ASCC1: variants seen among roughly 807,000 people sequenced by gnomAD.
The protein encoded by ASCC1 is activating signal cointegrator 1 complex subunit 1.
A neutral mutation model predicts 46.6 loss-of-function variants in ASCC1; 35 were observed. The ratio of observed to expected loss-of-function variants is 0.75; its 90% CI spans 0.57 to 0.99. The LOEUF is 0.99. Among genes scored for constraint, ASCC1 ranks in the 50% least tolerant of loss-of-function variants. ASCC1 has a pLI of 0.00. For synonymous variants in ASCC1, 143 were observed against 146.6 expected (o/e 0.98, Z 0.18); for missense variants, 376 against 428.7 (o/e 0.88, Z 1.09).
At chr10:72,210,401 C>T (rs993341711) in intron 3 of ASCC1, among the ~76,000 whole-genome samples, 3 of 152,064 alleles carry the variant, frequency 2.0e-5, no homozygotes, top group African/African-American at 7.2e-5. Flanking sequence ...TTCAGGTGAT[C>T]CACCCGCCTC....
At chr10:72,115,900 A>G (rs762175672) in intron 9 of ASCC1, among the ~76,000 whole-genome samples, 8 of 152,228 alleles carry the variant, frequency 5.3e-5, no homozygotes, top group Non-Finnish European at 8.8e-5. Context: ...CTAATATGAA[A>G]CACTCTAATA....
chr10:72,109,476 T>C (rs537319054), intron 9 of ASCC1, among the ~76,000 whole-genome samples: 1 of 152,288 alleles, frequency 6.6e-6, no homozygotes, highest in South Asian at 2.1e-4. Flanking sequence ...GCAAGAGGAA[T>C]GCTCAAATGA....
At chr10:72,126,636 T>C (rs990958550) in intron 9 of ASCC1, among the ~76,000 whole-genome samples, 1 of 152,228 alleles carries the variant, frequency 6.6e-6, no homozygotes, top group African/African-American at 2.4e-5. Context: ...CTTTGAGCCA[T>C]TCCTAAAGAT....
chr10:72,102,304 T>C (rs756798269), intron 9 of ASCC1: 3 of 1,538,012 alleles, frequency 2.0e-6, no homozygotes, highest in South Asian at 2.4e-5. Context: ...CAAGTTCAGG[T>C]GTGTTTACAC....
intron 6 of ASCC1, among the ~76,000 whole-genome samples, chr10:72,160,044 A>G (rs2132665124): frequency 6.6e-6 from 1 of 151,864 alleles, no homozygotes; most frequent in South Asian, 2.1e-4. Flanking sequence ...AGCTGGGACT[A>G]CAGGTGCCTG....
intron 6 of ASCC1, among the ~76,000 whole-genome samples, chr10:72,160,903 G>GA (rs1251396986): frequency 6.6e-6 from 1 of 151,480 alleles, no homozygotes; most frequent in Non-Finnish European, 1.5e-5. Flanking sequence ...CTAAAATGGT[G>GA]AAACCCCGTC....
intron 9 of ASCC1, 74 bp downstream of exon 9, chr10:72,128,008 G>A (rs1438392737): frequency 2.6e-6 from 3 of 1,135,828 alleles, no homozygotes; most frequent in Non-Finnish European, 2.7e-6. Flanking sequence ...GAAATATACG[G>A]AGAACTACTT....
chr10:72,124,926 G>A (rs940700410), intron 9 of ASCC1, among the ~76,000 whole-genome samples: 14 of 151,888 alleles, frequency 9.2e-5, no homozygotes, highest in Non-Finnish European at 1.5e-4. Flanking sequence ...AATGATTCTA[G>A]TTGTCAGTTC....
intron 9 of ASCC1, among the ~76,000 whole-genome samples, chr10:72,113,267 C>T (rs1453835929): frequency 6.6e-6 from 1 of 152,170 alleles, no homozygotes; most frequent in Non-Finnish European, 1.5e-5. Context: ...TGGCTGGGCC[C>T]TTTCAAAAAC....
At chr10:72,133,215 T>A in intron 7 of ASCC1, 34 bp from the exon 8 acceptor site, 2 of 1,611,744 alleles carry the variant, frequency 1.2e-6, no homozygotes, top group Non-Finnish European at 1.7e-6. Flanking sequence ...TGCAGAAATC[T>A]TAGTAAACTT....
At position 72,190,290 on chromosome 10, in the gene ASCC1, A is replaced by G. The variant is rs1229176041; in HGVS notation, c.489+6521T>C. The G allele has an allele frequency of 3.6e-6, 3 of 822,086 alleles. No individual in the cohort carries two copies. In the East Asian group the frequency reaches 7.2e-5, roughly 20 times the overall value. 50.9% of individuals were successfully genotyped at this position (822,086 alleles called of 1,614,324 possible). A position where few individuals can be genotyped will look rare whatever the true frequency, so the allele number is the denominator to read the frequency against. On this transcript the variant is annotated intron_variant, in intron 5 of 9. Coordinates refer to ENST00000672957, the MANE Select transcript of ASCC1 (RefSeq NM_001198800.3). Reference sequence around the variant, plus strand: ...CACTGTGGAGTTCTGAGAGTCCTGAATTTATATTTAGATCTATGACTTAAA... The same window carrying G: ...CACTGTGGAGTTCTGAGAGTCCTGAGTTTATATTTAGATCTATGACTTAAA...
intron 9 of ASCC1, among the ~76,000 whole-genome samples, chr10:72,123,958 CAG>C (rs1294139898): frequency 2.0e-5 from 3 of 152,122 alleles, no homozygotes; most frequent in African/African-American, 7.2e-5. Flanking sequence ...AAAGAATAAA[CAG>C]TATTTTTAAA....
chr10:72,161,816 G>T, intron 5 of ASCC1, 142 bp from the exon 6 acceptor site: 2 of 870,394 alleles, frequency 2.3e-6, no homozygotes, highest in South Asian at 2.9e-5. Flanking sequence ...AATAGAGAAA[G>T]TCTCCTCAAT....
chr10:72,210,660 G>C, intron 3 of ASCC1, 72 bp downstream of exon 3: 1 of 1,237,916 alleles, frequency 8.1e-7, no homozygotes, highest in East Asian at 2.3e-5. Context: ...AAGTATGGAA[G>C]ACCAAAGGGT....
intron 7 of ASCC1, among the ~76,000 whole-genome samples, chr10:72,139,693 A>G (rs182888274): frequency 5.1e-4 from 77 of 152,328 alleles, no homozygotes; most frequent in Non-Finnish European, 8.8e-4. Context: ...CATCTTTACA[A>G]ATAAGGAGTT....
At chr10:72,172,867 A>G (rs1851367872) in intron 5 of ASCC1, among the ~76,000 whole-genome samples, 1 of 124,300 alleles carries the variant, frequency 8.0e-6, no homozygotes, top group Non-Finnish European at 1.7e-5. Context: ...TATATTATAT[A>G]TATTATATAT....
chr10:72,188,042 A>T (rs535514106), intron 5 of ASCC1, among the ~76,000 whole-genome samples: 1 of 151,376 alleles, frequency 6.6e-6, no homozygotes, highest in Admixed American at 6.6e-5. Flanking sequence ...ATTCACCTAC[A>T]TAGCCCTCTT....
chr10:72,202,178 G>A (rs1451583605), intron 4 of ASCC1, among the ~76,000 whole-genome samples: 1 of 152,088 alleles, frequency 6.6e-6, no homozygotes, highest in Non-Finnish European at 1.5e-5. Context: ...CTTTAAAAAA[G>A]TTCCATCGGC....
intron 5 of ASCC1, among the ~76,000 whole-genome samples, chr10:72,162,094 T>A (rs1274382837): frequency 6.6e-6 from 1 of 152,190 alleles, no homozygotes; most frequent in Non-Finnish European, 1.5e-5. Flanking sequence ...ATTTACCTGA[T>A]AAGGGTCTAG....
Sources: allele counts gnomAD v4.1 joint callset (sites outside exome capture counted in the v4.1 genomes callset), GRCh38; gene constraint gnomAD v4.1.1; transcripts MANE v1.5; gene names NCBI Gene and HGNC (gene_info 2026-07-23, HGNC 2026-07-21).